ZNF774: variants seen among roughly 807,000 people sequenced by gnomAD.
The protein encoded by ZNF774 is zinc finger protein 774.
ZNF774 carries 14 observed loss-of-function variants against 11.1 expected under a neutral mutation model. The observed-to-expected ratio is 1.26, with a 90% CI of 0.83 to 1.97. ZNF774 has a LOEUF of 1.97. Ranked by LOEUF, ZNF774 falls within the 30% of genes most tolerant of loss-of-function variation. ZNF774 has a pLI of 0.00. For missense variants in ZNF774, 599 were observed against 587.0 expected, an observed-to-expected ratio of 1.02 and a Z score of -0.21; for synonymous variants, 195 against 212.6, an observed-to-expected ratio of 0.92 and a Z score of 0.72.
At position 90,360,951 on chromosome 15, in the gene ZNF774, C is replaced by A; in HGVS notation, c.1120C>A (p.Pro374Thr). 10 of 1,614,184 alleles carry A rather than the reference C, an allele frequency of 6.2e-6. No individual in the cohort carries two copies. The highest frequency in any genetic ancestry group is 8.5e-6 in the Non-Finnish European group (10 of 1,180,036). ...THQRTHTGER[P>T]FKCENCGKGF... ...CCAAAGAACACACACAGGTGAGAGA[C>A]CTTTTAAGTGCGAAAACTGTGGGAA... The change falls in exon 4 of 4, where the codon CCT becomes ACT. Residue 374 changes from proline to threonine, a missense_variant. Transcript: ENST00000354377.
intron 2 of ZNF774, among the ~76,000 whole-genome samples, 183 bp downstream of exon 2, chr15:90,354,947 A>G (rs1255869047): frequency 6.6e-6 from 1 of 152,150 alleles, no homozygotes; most frequent in African/African-American, 2.4e-5. Flanking sequence ...GGCATGTGCC[A>G]CCATGCCTAG....
chr15:90,356,526 C>T (rs1012943726), intron 2 of ZNF774, among the ~76,000 whole-genome samples: 2 of 152,144 alleles, frequency 1.3e-5, no homozygotes, highest in African/African-American at 4.8e-5. Flanking sequence ...GTAATGTATA[C>T]TCATTCAATA....
At position 90,361,610 on chromosome 15, in the gene ZNF774, G is replaced by T. The variant is rs958333035; in HGVS notation, c.*327G>T. On this transcript the variant is annotated 3_prime_UTR_variant, in exon 4 of 4. Transcript: ENST00000354377. ...GGTGGATCACTTGAGGTCAGGAGTT[G>T]AGACCAGCCTGGTGAGCATGGTGAA... 1.1e-5 allele frequency: 9 copies of T among 842,906 alleles called. No individual in the cohort carries two copies. The South Asian group carries it at 4.0e-4, about 37-fold the overall frequency. 52.2% of individuals were successfully genotyped at this position (842,906 alleles called of 1,614,324 possible).
At chr15:90,353,031 T>C (rs1423606432) in intron 1 of ZNF774, among the ~76,000 whole-genome samples, 4 of 152,100 alleles carry the variant, frequency 2.6e-5, no homozygotes, top group Admixed American at 6.5e-5. Flanking sequence ...GCAATGGCGC[T>C]ATCTCCTTTC....
Position 90,362,643 on chromosome 15 carries a change from T to TA in ZNF774, c.*1363dup. 1 of 1,478,312 alleles carries TA rather than the reference T, an allele frequency of 6.8e-7. No individual in the cohort carries two copies. 91.6% of individuals were successfully genotyped at this position (1,478,312 alleles called of 1,614,324 possible). A position where few individuals can be genotyped will look rare whatever the true frequency, so the allele number is the denominator to read the frequency against. ...AAGAACACCGACTTCATTGAGAAGG[T>TA]AAAGTATTTGAGTCCTGGCCCTGAC... On this transcript the variant is annotated 3_prime_UTR_variant, in exon 4 of 4. Coordinates refer to ENST00000354377, the MANE Select transcript of ZNF774 (RefSeq NM_001004309.3).
chr15:90,359,980 T>C, intron 3 of ZNF774, 63 bp from the exon 4 acceptor site: 1 of 1,507,276 alleles, frequency 6.6e-7, no homozygotes, highest in Non-Finnish European at 8.9e-7. Flanking sequence ...TTGTCACTGC[T>C]TTCTGATATT....
chr15:90,360,892 A>G lies in ZNF774; in HGVS notation c.1061A>G (p.Lys354Arg). Residue 354 changes from lysine (K) to arginine (R), a missense_variant, in exon 4 of 4, where the codon AAA becomes AGA. Transcript: ENST00000354377. Reference sequence around the variant, plus strand: ...CCTTTCAGTTGTCCTGACTGCCACAAAAGCTTCAGTCAGAGCTCACATTTG... The same window carrying G: ...CCTTTCAGTTGTCCTGACTGCCACAGAAGCTTCAGTCAGAGCTCACATTTG... The part of the protein sequence containing the change: ...ERPFSCPDCH[K>R]SFSQSSHLVT... 3 of 1,614,150 alleles carry G rather than the reference A, an allele frequency of 1.9e-6. No individual in the cohort carries two copies. The highest frequency in any genetic ancestry group is 2.5e-6 in the Non-Finnish European group (3 of 1,180,018).
intron 2 of ZNF774, among the ~76,000 whole-genome samples, chr15:90,356,311 G>A (rs537171110): frequency 5.3e-5 from 8 of 151,778 alleles, no homozygotes; most frequent in East Asian, 2.0e-4. Flanking sequence ...CAAGTGATCC[G>A]CTCACTTCGG....
At position 90,362,748 on chromosome 15, in the gene ZNF774, T is replaced by C. The variant is rs1437973608; in HGVS notation, c.*1465T>C. On this transcript the variant is annotated 3_prime_UTR_variant, in exon 4 of 4. Coordinates refer to ENST00000354377, the MANE Select transcript of ZNF774 (RefSeq NM_001004309.3). ...CAAGGTTGTTGTGAGGATCTAAAAA[T>C]ACACACACACACACACACACACACA... 6.1e-6 allele frequency: 3 copies of C among 488,584 alleles called. No homozygotes were observed. Among genetic ancestry groups the C allele is most frequent in the Non-Finnish European group, 1.1e-5 (3 of 271,418 alleles). 30.3% of individuals were successfully genotyped at this position (488,584 alleles called of 1,614,324 possible).
intron 1 of ZNF774, among the ~76,000 whole-genome samples, chr15:90,353,277 ACT>A (rs1964199023): frequency 6.6e-6 from 1 of 151,342 alleles, no homozygotes; most frequent in African/African-American, 2.4e-5. Context: ...AATACTGAAA[ACT>A]CTTATTACAA....
intron 2 of ZNF774, among the ~76,000 whole-genome samples, chr15:90,357,756 G>C (rs980710390): frequency 6.6e-6 from 1 of 152,062 alleles, no homozygotes; most frequent in African/African-American, 2.4e-5. Flanking sequence ...ATTTTTAGTA[G>C]AGACAGGATT....
chr15:90,358,686 C>T (rs879702594), intron 2 of ZNF774, among the ~76,000 whole-genome samples, 165 bp from the exon 3 acceptor site: 2 of 152,040 alleles, frequency 1.3e-5, no homozygotes, highest in African/African-American at 2.4e-5. Flanking sequence ...GGGAAATCAC[C>T]GTGTTTTATC....
chr15:90,361,607 GTT>G lies in ZNF774; in HGVS notation c.*325_*326del. ...GTGGGTGGATCACTTGAGGTCAGGA[GTT>G]GAGACCAGCCTGGTGAGCATGGTGA... On this transcript the variant is annotated 3_prime_UTR_variant, in exon 4 of 4. Transcript: ENST00000354377. The G allele has an allele frequency of 1.2e-6, 1 of 855,024 alleles. No homozygotes were observed. Among genetic ancestry groups the G allele is most frequent in the Non-Finnish European group, 1.4e-6 (1 of 690,782 alleles). 53.0% of individuals were successfully genotyped at this position (855,024 alleles called of 1,614,324 possible). A position where few individuals can be genotyped will look rare whatever the true frequency, so the allele number is the denominator to read the frequency against.
chr15:90,356,041 T>TA (rs1424205385), intron 2 of ZNF774, among the ~76,000 whole-genome samples: 4 of 70,082 alleles, frequency 5.7e-5, no homozygotes, highest in African/African-American at 8.4e-5. Context: ...AAAAAAAAAA[T>TA]AAATAAAAAA....
rs1326644389 is a variant in ZNF774 at position 90,362,356 on chromosome 15, C to T, written c.*1073C>T. 11 of 570,346 alleles carry T rather than the reference C, an allele frequency of 1.9e-5. No individual in the cohort carries two copies. Among genetic ancestry groups the T allele is most frequent in the Admixed American group, 3.0e-5 (1 of 33,576 alleles). The allele number at this position is 570,346 out of a possible 1,614,324, so 35.3% of individuals were successfully genotyped here. A position where few individuals can be genotyped will look rare whatever the true frequency, so the allele number is the denominator to read the frequency against. The stretch of plus-strand genomic sequence containing the variant: ...TGTCATCTGACACAGAGAAAATATC[C>T]TACAATGAACAAGCCAGAGGGACCT... On this transcript the variant is annotated 3_prime_UTR_variant, in exon 4 of 4. Transcript: ENST00000354377.
rs1175700429 is a variant in ZNF774, at chr15:90,354,657, G to A, written c.-4G>A. ...CTTGCTTTAGGAACTGATGACGCTTGATAATGTGGCTGGGGACTTCAGGGA... is the reference window on the plus strand; with the variant it reads ...CTTGCTTTAGGAACTGATGACGCTTAATAATGTGGCTGGGGACTTCAGGGA... On this transcript the variant is annotated 5_prime_UTR_variant, in exon 2 of 4. Coordinates refer to ENST00000354377, the MANE Select transcript of ZNF774 (RefSeq NM_001004309.3). 6.2e-7 allele frequency: 1 copy of A among 1,604,312 alleles called. No individual in the cohort carries two copies. Among genetic ancestry groups the A allele is most frequent in the East Asian group, 2.2e-5 (1 of 44,812 alleles).
intron 3 of ZNF774, 73 bp downstream of exon 3, chr15:90,359,030 C>A: frequency 9.0e-7 from 1 of 1,109,062 alleles, no homozygotes; most frequent in Non-Finnish European, 1.3e-6. Context: ...ATTTGGAATG[C>A]TGCCTTAGAA....
In ZNF774 at chr15:90,360,054, C is replaced by G. The variant is rs200349823; in HGVS notation, c.223C>G (p.Gln75Glu). The G allele has an allele frequency of 6.9e-6, 11 of 1,602,962 alleles. No individual in the cohort carries two copies. The African/African-American group carries it at 1.5e-4, about 22-fold the overall frequency. Residue 75 changes from glutamine to glutamate, a missense_variant, in exon 4 of 4, where the codon CAG becomes GAG. Coordinates refer to ENST00000354377, the MANE Select transcript of ZNF774 (RefSeq NM_001004309.3). ...PRESHTDCEH[Q>E]VAKLNQDNSE... ...CATTAATTTTTCAGACTGTGAGCAT[C>G]AGGTGGCAAAGCTCAATCAGGACAA...
Position 90,356,295 on chromosome 15 carries a change from T to C in ZNF774, c.104+1531T>C, listed in dbSNP as rs145067916. On this transcript the variant is annotated intron_variant, in intron 2 of 3. Transcript: ENST00000354377. ...TGTGGTCAGGCTGGTCTCAAACTAC[T>C]GACCTCAAGTGATCCGCTCACTTCG... Among the ~76,000 whole-genome samples the C allele has an allele frequency of 6.1e-3, 929 of 152,060 alleles. 9 individuals carry two copies. Among genetic ancestry groups the C allele is most frequent in the African/African-American group, 0.021 (886 of 41,496 alleles).
Sources: allele counts gnomAD v4.1 joint callset (sites outside exome capture counted in the v4.1 genomes callset), GRCh38; gene constraint gnomAD v4.1.1; transcripts MANE v1.5; gene names NCBI Gene and HGNC (gene_info 2026-07-23, HGNC 2026-07-21).